The following PIP5K1A variants were observed in gnomAD, a reference collection of about 807,000 sequenced individuals.
PIP5K1A encodes the protein phosphatidylinositol 4-phosphate 5-kinase type-1 alpha.
PIP5K1A carries 46 observed loss-of-function variants against 72.9 expected under a neutral mutation model. That is an observed-to-expected ratio of 0.63 (90% CI 0.50 to 0.81). PIP5K1A has a LOEUF of 0.81. PIP5K1A is among the 30% of genes least tolerant of loss of function. PIP5K1A has a pLI of 0.00. For synonymous variants in PIP5K1A, 228 were observed against 255.1 expected (o/e 0.89, Z 1.01); for missense variants, 458 against 706.1 (o/e 0.65, Z 3.98).
chr1:151,247,153 C>T (rs587722771), intron 15 of PIP5K1A, among the ~76,000 whole-genome samples, 188 bp downstream of exon 15: 1 of 151,442 alleles, frequency 6.6e-6, no homozygotes, highest in African/African-American at 2.4e-5. Context: ...TTTGAGATGG[C>T]GTCTCACTCT....
In PIP5K1A at chr1:151,232,307, C is replaced by T. The variant is rs1690204543; in HGVS notation, c.428C>T (p.Ala143Val). The T allele has an allele frequency of 1.2e-6, 2 of 1,614,010 alleles. No individual in the cohort carries two copies. Among genetic ancestry groups the T allele is most frequent in the Admixed American group, 3.3e-5 (2 of 59,998 alleles). Residue 143 changes from alanine (A) to valine (V), a missense_variant, in exon 6 of 16, where the codon GCA becomes GTA. Around this residue, in one of 3 missense-constraint regions of PIP5K1A, gnomAD observed 220 missense variants for 442.6 expected, o/e 0.50. Transcript: ENST00000368888. ...AATGACTTTCGTTTCAAGACCTATGCACCTGTTGCCTTCCGCTACTTCCGG... is the reference window on the plus strand; with the variant it reads ...AATGACTTTCGTTTCAAGACCTATGTACCTGTTGCCTTCCGCTACTTCCGG... Reference protein sequence around the residue: ...HYNDFRFKTYAPVAFRYFREL... With the variant: ...HYNDFRFKTYVPVAFRYFREL...
intron 9 of PIP5K1A, among the ~76,000 whole-genome samples, chr1:151,237,499 A>G (rs1691058892): frequency 6.6e-6 from 1 of 152,138 alleles, no homozygotes; most frequent in South Asian, 2.1e-4. Flanking sequence ...CATCACTACA[A>G]AAACTCAAAA....
chr1:151,200,126 A>G (rs1314223495), intron 1 of PIP5K1A, among the ~76,000 whole-genome samples: 1 of 151,578 alleles, frequency 6.6e-6, no homozygotes, highest in African/African-American at 2.4e-5. Flanking sequence ...GGAGTCTTGA[A>G]TTGCAGTAGA....
chr1:151,212,544 A>G (rs933676735), intron 1 of PIP5K1A, among the ~76,000 whole-genome samples: 5 of 152,124 alleles, frequency 3.3e-5, no homozygotes, highest in Non-Finnish European at 7.4e-5. Context: ...GTTACTCAGA[A>G]AAATTTTCTG....
intron 1 of PIP5K1A, among the ~76,000 whole-genome samples, chr1:151,211,804 T>G (rs1018458118): frequency 1.5e-4 from 20 of 135,292 alleles, no homozygotes; most frequent in Non-Finnish European, 2.8e-4. Context: ...AGAGTCTGTC[T>G]CAAAAAAGAA....
In PIP5K1A at chr1:151,201,182, C is replaced by T. The variant is rs587711878; in HGVS notation, c.85+2101C>T. On this transcript the variant is annotated intron_variant, in intron 1 of 15. Coordinates refer to ENST00000368888, the MANE Select transcript of PIP5K1A (RefSeq NM_001135638.2). The stretch of plus-strand genomic sequence containing the variant: ...AGCTCCTTAATTTGAAACCTGCTTC[C>T]CCTCTAATCCCCAACCCAGAAAGAA... Among the ~76,000 whole-genome samples the T allele has an allele frequency of 9.2e-5, 14 of 152,140 alleles. No homozygotes were observed. In the South Asian group the frequency reaches 2.7e-3, roughly 29 times the overall value.
intron 1 of PIP5K1A, among the ~76,000 whole-genome samples, chr1:151,216,795 A>G (rs1687697279): frequency 6.6e-6 from 1 of 152,010 alleles, no homozygotes; most frequent in Non-Finnish European, 1.5e-5. Context: ...TCTCATAACA[A>G]CCTTAGGAAG....
chr1:151,219,670 G>C (rs587773568), intron 1 of PIP5K1A, among the ~76,000 whole-genome samples: 6 of 151,738 alleles, frequency 4.0e-5, no homozygotes, highest in African/African-American at 1.5e-4. Context: ...CTCCAGTCTG[G>C]GCGACAAGAG....
intron 1 of PIP5K1A, among the ~76,000 whole-genome samples, chr1:151,199,962 C>T (rs1223150298): frequency 6.6e-6 from 1 of 152,052 alleles, no homozygotes; most frequent in African/African-American, 2.4e-5. Flanking sequence ...CACAGGCACA[C>T]AGACACACAT....
intron 7 of PIP5K1A, 95 bp from the exon 8 acceptor site, chr1:151,234,102 A>G (rs587611162): frequency 1.2e-6 from 1 of 826,366 alleles, no homozygotes; most frequent in Non-Finnish European, 2.0e-6. Context: ...CTCATATAGG[A>G]GATAAAGGGA....
upstream of PIP5K1A, chr1:151,195,433 C>T (rs2101739432): frequency 6.6e-6 from 1 of 152,228 alleles, no homozygotes; most frequent in Non-Finnish European, 1.5e-5. Context: ...TGCCACGTCA[C>T]CACAGTTCTA....
In PIP5K1A at chr1:151,248,030, C is replaced by T; in HGVS notation, c.*165C>T. ...CTCCATCTTCTTCCTGAAGAAGAAC[C>T]TTCTCTCCTTCCTCTTCCTCATGAA... On this transcript the variant is annotated 3_prime_UTR_variant, in exon 16 of 16. Coordinates refer to ENST00000368888, the MANE Select transcript of PIP5K1A (RefSeq NM_001135638.2). The T allele has an allele frequency of 1.5e-6, 1 of 665,918 alleles. No homozygotes were observed. The allele number at this position is 665,918 out of a possible 1,614,324, so 41.3% of individuals were successfully genotyped here.
chr1:151,239,575 TG>T (rs1239694531), intron 11 of PIP5K1A, among the ~76,000 whole-genome samples: 1 of 152,330 alleles, frequency 6.6e-6, no homozygotes, highest in East Asian at 1.9e-4. Context: ...TCACTCAGGC[TG>T]GAGTACAGTG....
upstream of PIP5K1A, chr1:151,198,178 C>T: frequency 2.2e-6 from 1 of 459,122 alleles, no homozygotes; most frequent in Non-Finnish European, 4.5e-6. Flanking sequence ...AGGAAAAAGA[C>T]TAAGAAGAGT....
At chr1:151,229,463 G>A (rs1031355073) in intron 4 of PIP5K1A, among the ~76,000 whole-genome samples, 1 of 150,822 alleles carries the variant, frequency 6.6e-6, no homozygotes, top group Admixed American at 6.6e-5. Context: ...GCGGGTTCAA[G>A]CGATTCTCCT....
chr1:151,212,467 C>T (rs1403250128), intron 1 of PIP5K1A, among the ~76,000 whole-genome samples: 1 of 152,188 alleles, frequency 6.6e-6, no homozygotes, highest in African/African-American at 2.4e-5. Context: ...AGTACCTCTT[C>T]ACCACAAACA....
chr1:151,234,599 T>G (rs1690588309), intron 8 of PIP5K1A, 103 bp downstream of exon 8: 3 of 859,274 alleles, frequency 3.5e-6, no homozygotes, highest in Non-Finnish European at 5.9e-6. Context: ...CTTAGCACTG[T>G]ATGTCCTGGG....
intron 3 of PIP5K1A, among the ~76,000 whole-genome samples, 192 bp downstream of exon 3, chr1:151,224,598 T>A (rs1219775381): frequency 6.6e-6 from 1 of 152,250 alleles, no homozygotes; most frequent in African/African-American, 2.4e-5. Context: ...TACTGTTATC[T>A]GTTTTACAGA....
In PIP5K1A at chr1:151,198,990, T is replaced by G. The variant is rs1229481880; in HGVS notation, c.-7T>G. The G allele has an allele frequency of 5.6e-6, 9 of 1,613,606 alleles. No homozygotes were observed. The highest frequency in any genetic ancestry group is 7.6e-6 in the Non-Finnish European group (9 of 1,179,574). On this transcript the variant is annotated 5_prime_UTR_variant, in exon 1 of 16. Coordinates refer to ENST00000368888, the MANE Select transcript of PIP5K1A (RefSeq NM_001135638.2). ...GCCAGGCCGCTGAGGGGGAGGGGGCTGCTAAGATGGCGTCGGCCTCCTCCG... is the reference window on the plus strand; with the variant it reads ...GCCAGGCCGCTGAGGGGGAGGGGGCGGCTAAGATGGCGTCGGCCTCCTCCG...
Sources: allele counts gnomAD v4.1 joint callset (sites outside exome capture counted in the v4.1 genomes callset), GRCh38; gene constraint gnomAD v4.1.1; regional missense constraint gnomAD v4.1.1; transcripts MANE v1.5; gene names NCBI Gene and HGNC (gene_info 2026-07-23, HGNC 2026-07-21).